Variants in DENND1A observed in about 807,000 individuals in gnomAD.
DENND1A encodes DENN domain-containing protein 1A.
Under a neutral mutation model 113.7 loss-of-function variants are expected in DENND1A, and 51 were observed. The ratio of observed to expected loss-of-function variants is 0.45; its 90% CI spans 0.36 to 0.57. DENND1A has a LOEUF of 0.57. DENND1A is among the 20% of genes least tolerant of loss of function. DENND1A has a pLI of 0.00. For synonymous variants in DENND1A, 565 were observed against 570.8 expected (o/e 0.99, Z 0.14); for missense variants, 1,258 against 1,395.9 (o/e 0.90, Z 1.57).
intron 5 of DENND1A, among the ~76,000 whole-genome samples, chr9:123,677,414 T>A (rs980956390): frequency 6.6e-6 from 1 of 152,284 alleles, no homozygotes; most frequent in South Asian, 2.1e-4. Flanking sequence ...TGGTCCACTC[T>A]GTGTGGCTTG....
chr9:123,454,284 C>A (rs1292190488), intron 16 of DENND1A, among the ~76,000 whole-genome samples: 2 of 152,188 alleles, frequency 1.3e-5, no homozygotes, highest in Non-Finnish European at 2.9e-5. Context: ...ACGTTGGAAG[C>A]CCTATGCCCC....
chr9:123,681,379 C>T (rs1426024126), intron 5 of DENND1A, among the ~76,000 whole-genome samples: 1 of 151,848 alleles, frequency 6.6e-6, no homozygotes, highest in Admixed American at 6.5e-5. Context: ...GAATGCTGTC[C>T]GTGATAGGAA....
intron 5 of DENND1A, among the ~76,000 whole-genome samples, chr9:123,684,275 C>G (rs1385714999): frequency 6.6e-6 from 1 of 152,128 alleles, no homozygotes; most frequent in Non-Finnish European, 1.5e-5. Context: ...TGTTGCCCAC[C>G]CCCTCCAGTC....
chr9:123,661,124 C>A (rs1346101516), intron 8 of DENND1A, among the ~76,000 whole-genome samples: 1 of 152,176 alleles, frequency 6.6e-6, no homozygotes, highest in Non-Finnish European at 1.5e-5. Context: ...CAACTCATAG[C>A]ACAAAAAGAA....
At chr9:123,784,634 G>A (rs1327241320) in intron 3 of DENND1A, among the ~76,000 whole-genome samples, 1 of 152,068 alleles carries the variant, frequency 6.6e-6, no homozygotes, top group East Asian at 1.9e-4. Context: ...AAATTTAGTG[G>A]GGCTTTTTGG....
chr9:123,427,494 G>A (rs1038778658), intron 19 of DENND1A, among the ~76,000 whole-genome samples: 3 of 152,148 alleles, frequency 2.0e-5, no homozygotes, highest in Admixed American at 2.0e-4. Flanking sequence ...GGTCTGCCAT[G>A]CGCTAACCTG....
At chr9:123,404,417 T>A (rs10986009) in intron 20 of DENND1A, among the ~76,000 whole-genome samples, 17,821 of 152,278 alleles carry the variant, frequency 0.12, 1,247 homozygotes, top group East Asian at 0.27. Flanking sequence ...GCTGAGAAAG[T>A]CTATCTCTGA....
chr9:123,815,618 T>C (rs1837319420), intron 2 of DENND1A, among the ~76,000 whole-genome samples: 1 of 152,222 alleles, frequency 6.6e-6, no homozygotes, highest in Non-Finnish European at 1.5e-5. Context: ...TAAGTTAAGT[T>C]CTAATAGCTG....
chr9:123,705,945 C>G (rs1429943714), intron 5 of DENND1A, among the ~76,000 whole-genome samples: 1 of 152,030 alleles, frequency 6.6e-6, no homozygotes, highest in Non-Finnish European at 1.5e-5. Flanking sequence ...CTTGGGAGAA[C>G]TGAGAAAACA....
chr9:123,603,836 C>A (rs1202512849), intron 11 of DENND1A, among the ~76,000 whole-genome samples: 4 of 152,230 alleles, frequency 2.6e-5, no homozygotes, highest in Non-Finnish European at 5.9e-5. Flanking sequence ...ACCTCTGTCA[C>A]AGCTTGGTAG....
chr9:123,709,650 C>T (rs939207354), intron 5 of DENND1A, among the ~76,000 whole-genome samples: 7 of 152,208 alleles, frequency 4.6e-5, no homozygotes, highest in African/African-American at 1.7e-4. Flanking sequence ...CCCACCTATA[C>T]ACCCTAACGT....
intron 8 of DENND1A, among the ~76,000 whole-genome samples, chr9:123,659,354 T>A (rs1030154046): frequency 2.0e-5 from 3 of 152,176 alleles, no homozygotes; most frequent in African/African-American, 7.2e-5. Context: ...CTTCAGACAT[T>A]CTGGTGTGAA....
chr9:123,896,717 A>G (rs116000925), intron 1 of DENND1A, among the ~76,000 whole-genome samples: 110 of 152,340 alleles, frequency 7.2e-4, no homozygotes, highest in African/African-American at 2.6e-3. Context: ...ATAGTTCTCA[A>G]AATAAGAATG....
At position 123,769,514 on chromosome 9, in the gene DENND1A, C is replaced by T; in HGVS notation, c.182G>A (p.Ser61Asn). ...GTAAAGTTTGAAAATCTGACACTAC[C>T]TGTCCACATAGAAGGGGAAACAAAA... is the stretch of plus-strand genomic sequence containing the variant. ...TKFCFPFYVD[S>N]LTVSQVGQNF... Residue 61 changes from serine to asparagine, a missense_variant and splice_region_variant, in exon 4 of 24, where the codon AGC (serine) becomes AAC (asparagine). Ser to Asn is a conservative substitution (Grantham distance 46). Around this residue, in one of 2 missense-constraint regions of DENND1A, gnomAD observed 99 missense variants for 164.2 expected, o/e 0.60. Coordinates refer to ENST00000394215, the MANE Select transcript of DENND1A (RefSeq NM_001352964.2). 1 of 1,605,982 alleles carries T rather than the reference C, an allele frequency of 6.2e-7. No individual in the cohort carries two copies. Among genetic ancestry groups the T allele is most frequent in the Non-Finnish European group, 8.5e-7 (1 of 1,177,516 alleles).
intron 2 of DENND1A, among the ~76,000 whole-genome samples, chr9:123,873,114 A>T (rs1846908935): frequency 6.6e-6 from 1 of 152,240 alleles, no homozygotes; most frequent in Non-Finnish European, 1.5e-5. Context: ...TGCATTAAAT[A>T]TTAGAAAAAG....
At chr9:123,833,052 G>A (rs890984638) in intron 2 of DENND1A, among the ~76,000 whole-genome samples, 1 of 140,804 alleles carries the variant, frequency 7.1e-6, no homozygotes, top group African/African-American at 2.7e-5. Context: ...CTGAGCCCAG[G>A]AGTTTGAGGC....
chr9:123,502,233 A>G (rs937377141), intron 13 of DENND1A, among the ~76,000 whole-genome samples: 3 of 151,902 alleles, frequency 2.0e-5, no homozygotes, highest in African/African-American at 7.3e-5. Flanking sequence ...CCCTGACTAT[A>G]ATACAGGCTC....
chr9:123,742,277 C>T (rs1426958184), intron 5 of DENND1A, among the ~76,000 whole-genome samples: 1 of 151,324 alleles, frequency 6.6e-6, no homozygotes, highest in Admixed American at 6.6e-5. Context: ...GAGCTGGCAA[C>T]TTTCACTGAC....
intron 11 of DENND1A, among the ~76,000 whole-genome samples, chr9:123,585,062 C>T (rs2059097412): frequency 7.0e-6 from 1 of 142,242 alleles, no homozygotes; most frequent in African/African-American, 2.8e-5. Flanking sequence ...AGGGTGGAGC[C>T]ACACTGGTCA....
Sources: gnomAD v4.1 joint callset for allele counts (sites outside exome capture counted in the v4.1 genomes callset) on GRCh38, gnomAD v4.1.1 for gene constraint, gnomAD v4.1.1 regional missense constraint, MANE v1.5 for transcripts, NCBI Gene and HGNC (gene_info 2026-07-23, HGNC 2026-07-21) for gene names.